CPQ: variants seen among roughly 807,000 people sequenced by gnomAD.
The protein encoded by CPQ is carboxypeptidase Q.
Under a neutral mutation model 45.7 loss-of-function variants are expected in CPQ, and 37 were observed. That is an observed-to-expected ratio of 0.81 (90% CI 0.62 to 1.07). The LOEUF (loss-of-function observed/expected upper bound fraction) is 1.07, where lower values mean the gene tolerates loss of function less well. CPQ is among the 50% of genes least tolerant of loss of function. The probability of loss-of-function intolerance (pLI) is 0.00; values close to 1 mark genes in which losing one functional copy is unlikely to be tolerated. For missense variants in CPQ, 537 were observed against 572.9 expected (o/e 0.94, Z 0.64); for synonymous variants, 186 against 205.8 (o/e 0.90, Z 0.82).
chr8:97,141,183 A>T (rs560936939), intron 7 of CPQ, among the ~76,000 whole-genome samples: 75 of 152,152 alleles, frequency 4.9e-4, no homozygotes, highest in Non-Finnish European at 8.1e-4. Flanking sequence ...GAAAATATTC[A>T]TAAATCCAAC....
At chr8:96,812,872 T>C (rs1390959278) in intron 2 of CPQ, among the ~76,000 whole-genome samples, 2 of 151,826 alleles carry the variant, frequency 1.3e-5, no homozygotes, top group African/African-American at 4.8e-5. Flanking sequence ...TTCTTCTCTT[T>C]ATAAGAGTGA....
At chr8:96,829,804 G>C (rs1290916186) in intron 2 of CPQ, among the ~76,000 whole-genome samples, 1 of 151,996 alleles carries the variant, frequency 6.6e-6, no homozygotes, top group Non-Finnish European at 1.5e-5. Context: ...TAAAGTTATT[G>C]TTTACTTATT....
chr8:97,111,957 C>T (rs1811504168), intron 7 of CPQ, among the ~76,000 whole-genome samples: 1 of 152,014 alleles, frequency 6.6e-6, no homozygotes, highest in Non-Finnish European at 1.5e-5. Context: ...TGCCATTGTC[C>T]ACACTGATCT....
intron 1 of CPQ, among the ~76,000 whole-genome samples, chr8:96,647,568 T>TC (rs1815532200): frequency 6.6e-6 from 1 of 152,150 alleles, no homozygotes. Context: ...ACAGGGTTTC[T>TC]CCCAGAAACA....
chr8:96,963,637 C>T (rs962257077), intron 4 of CPQ, among the ~76,000 whole-genome samples: 3 of 152,168 alleles, frequency 2.0e-5, no homozygotes, highest in African/African-American at 7.2e-5. Context: ...TTACTTAGTA[C>T]ATGTTGCACA....
chr8:97,038,283 C>T (rs2513402), intron 6 of CPQ, among the ~76,000 whole-genome samples: 84,060 of 152,098 alleles, frequency 0.55, 25,988 homozygotes, highest in Non-Finnish European at 0.7. Flanking sequence ...CATTTATTCT[C>T]CCCTCCTGAA....
At chr8:97,069,676 T>A (rs1810703598) in intron 7 of CPQ, among the ~76,000 whole-genome samples, 1 of 152,164 alleles carries the variant, frequency 6.6e-6, no homozygotes, top group Non-Finnish European at 1.5e-5. Context: ...AAATAACTGC[T>A]CACCTAACTT....
chr8:97,138,791 TATTG>T (rs756123846), intron 7 of CPQ, among the ~76,000 whole-genome samples: 4 of 152,120 alleles, frequency 2.6e-5, no homozygotes, highest in African/African-American at 7.2e-5. Context: ...CTTTATAAGA[TATTG>T]ATTAACTTTA....
At chr8:96,937,659 G>A (rs1586458842) in intron 4 of CPQ, among the ~76,000 whole-genome samples, 1 of 152,282 alleles carries the variant, frequency 6.6e-6, no homozygotes, top group Middle Eastern at 3.4e-3. Context: ...TGTATGCACA[G>A]TGCAGTCCAG....
intron 1 of CPQ, among the ~76,000 whole-genome samples, chr8:96,699,091 T>A (rs1032791427): frequency 6.6e-6 from 1 of 152,148 alleles, no homozygotes; most frequent in Non-Finnish European, 1.5e-5. Flanking sequence ...TAAGTGTCCA[T>A]CAACAGATGA....
chr8:96,906,531 A>C (rs968998298), intron 4 of CPQ, among the ~76,000 whole-genome samples: 1 of 152,182 alleles, frequency 6.6e-6, no homozygotes, highest in African/African-American at 2.4e-5. Flanking sequence ...TTGTGCTGCT[A>C]TAACAAAATT....
intron 2 of CPQ, among the ~76,000 whole-genome samples, chr8:96,818,503 C>T (rs1273064081): frequency 1.3e-5 from 2 of 151,902 alleles, no homozygotes; most frequent in Non-Finnish European, 2.9e-5. Context: ...TGTGGGGTTG[C>T]AACAAACTCG....
At position 96,926,540 on chromosome 8, in the gene CPQ, T is replaced by TTCTTCC. The variant is rs760348999; in HGVS notation, c.850-39359_850-39354dup. Among the ~76,000 whole-genome samples, 402 of 127,480 alleles carry TTCTTCC rather than the reference T, an allele frequency of 3.2e-3. 18 individuals are homozygous for TTCTTCC. Among genetic ancestry groups the TTCTTCC allele is most frequent in the African/African-American group, 4.1e-3 (125 of 30,760 alleles). 83.6% of individuals were successfully genotyped at this position (127,480 alleles called of 152,430 possible). A position where few individuals can be genotyped will look rare whatever the true frequency, so the allele number is the denominator to read the frequency against. Reference sequence around the variant, plus strand: ...CAGTCCTCCTTTCTTCTTTTTCTTCTTCTTCCTCTTCCTCTTCCTCTTCCT... The same window carrying TTCTTCC: ...CAGTCCTCCTTTCTTCTTTTTCTTCTTCTTCCTCTTCCTCTTCCTCTTCCTCTTCCT... On this transcript the variant is annotated intron_variant, in intron 4 of 7. Coordinates refer to ENST00000220763, the MANE Select transcript of CPQ (RefSeq NM_016134.4).
intron 5 of CPQ, among the ~76,000 whole-genome samples, chr8:97,027,214 T>G (rs1373781876): frequency 7.2e-5 from 11 of 152,202 alleles, no homozygotes; most frequent in Non-Finnish European, 1.2e-4. Context: ...TGATTAGATT[T>G]CTTCCTCAGA....
intron 1 of CPQ, among the ~76,000 whole-genome samples, chr8:96,706,297 T>C (rs539523503): frequency 7.9e-5 from 12 of 152,310 alleles, no homozygotes; most frequent in African/African-American, 2.9e-4. Context: ...GTATTGTTTT[T>C]TTAGCCTGTG....
chr8:97,126,290 CTTCTG>C (rs1448978254), intron 7 of CPQ, among the ~76,000 whole-genome samples: 1 of 152,052 alleles, frequency 6.6e-6, no homozygotes, highest in Non-Finnish European at 1.5e-5. Flanking sequence ...AGAGTGACAC[CTTCTG>C]AGGTTGGACA....
In CPQ at chr8:96,969,488, TA is replaced by T. The variant is rs562426870; in HGVS notation, c.961+3445del. On this transcript the variant is annotated intron_variant, in intron 5 of 7. Transcript: ENST00000220763. Reference sequence around the variant, plus strand: ...TGTACAAATTACTTTGGGCACCTGGTAAAGAAACAGACCAACATGGCTTGGC... The same window carrying T: ...TGTACAAATTACTTTGGGCACCTGGTAAGAAACAGACCAACATGGCTTGGC... Among the ~76,000 whole-genome samples the T allele has an allele frequency of 4.1e-3, 628 of 152,322 alleles. 2 individuals carry two copies. The highest frequency in any genetic ancestry group is 0.014 in the African/African-American group (602 of 41,572).
chr8:96,821,805 A>G (rs552641972), intron 2 of CPQ, among the ~76,000 whole-genome samples: 1 of 152,072 alleles, frequency 6.6e-6, no homozygotes, highest in South Asian at 2.1e-4. Flanking sequence ...AGACAAGTAA[A>G]AATTATATGA....
At chr8:96,762,200 T>C (rs947795087) in intron 1 of CPQ, among the ~76,000 whole-genome samples, 5 of 152,196 alleles carry the variant, frequency 3.3e-5, no homozygotes, top group Non-Finnish European at 1.5e-5. Context: ...GTGGTTTATG[T>C]CCACAGAAAG....
Sources: gnomAD v4.1 joint callset for allele counts (sites outside exome capture counted in the v4.1 genomes callset) on GRCh38, gnomAD v4.1.1 for gene constraint, MANE v1.5 for transcripts, NCBI Gene and HGNC (gene_info 2026-07-23, HGNC 2026-07-21) for gene names.